Variants in DCAF8L2 observed in about 807,000 individuals in gnomAD.
DCAF8L2 encodes DDB1 and CUL4 associated factor 8 like 2.
For synonymous variants in DCAF8L2, 200 were observed against 190.9 expected, an observed-to-expected ratio of 1.05 and a Z score of -0.39; for missense variants, 430 against 490.7, an observed-to-expected ratio of 0.88 and a Z score of 1.17.
chrX:27,495,970 T>G, the DCAF8L2 span, among the ~76,000 whole-genome samples: 5 of 111,684 alleles, frequency 4.5e-5, no homozygotes, highest in African/African-American at 1.6e-4. Flanking sequence ...ATAGCTTTTC[T>G]GAAAATGATG....
chrX:27,667,549 G>A (rs760153192), intron 2 of DCAF8L2, among the ~76,000 whole-genome samples: 8 of 111,574 alleles, frequency 7.2e-5, no homozygotes, highest in African/African-American at 2.6e-4. Context: ...ATGTAACTGT[G>A]AGAGAACAAA....
At chrX:27,537,053 G>A in the DCAF8L2 span, among the ~76,000 whole-genome samples, 15 of 111,771 alleles carry the variant, frequency 1.3e-4, no homozygotes. Flanking sequence ...GGCAGGTAGA[G>A]GTGTTCTGTA....
At chrX:27,692,154 C>T (rs1870847350) in intron 3 of DCAF8L2, among the ~76,000 whole-genome samples, 1 of 111,858 alleles carries the variant, frequency 8.9e-6, no homozygotes, top group Admixed American at 9.5e-5. Context: ...ACATAGCTCT[C>T]CTTTTCACTT....
intron 2 of DCAF8L2, among the ~76,000 whole-genome samples, chrX:27,638,634 A>G (rs1397937569): frequency 2.7e-5 from 3 of 111,883 alleles, no homozygotes; most frequent in Non-Finnish European, 3.8e-5. Flanking sequence ...AAAGGTATAA[A>G]CAATGTATTG....
chrX:27,607,184 T>C (rs1926946580), intron 1 of DCAF8L2, among the ~76,000 whole-genome samples: 1 of 111,904 alleles, frequency 8.9e-6, no homozygotes, highest in Non-Finnish European at 1.9e-5. Flanking sequence ...AAATACTATT[T>C]TGCTTACTAT....
the DCAF8L2 span, among the ~76,000 whole-genome samples, chrX:27,490,698 A>G: frequency 0.27 from 30,120 of 109,828 alleles, 4,575 homozygotes; most frequent in African/African-American, 0.58. Flanking sequence ...CTGACCTTAT[A>G]ATCCGCCCAC....
At chrX:27,575,849 G>A in the DCAF8L2 span, among the ~76,000 whole-genome samples, 1 of 111,979 alleles carries the variant, frequency 8.9e-6, no homozygotes, top group Non-Finnish European at 1.9e-5. Flanking sequence ...GGTTGGTGGT[G>A]GTGAGTGGGA....
intron 2 of DCAF8L2, among the ~76,000 whole-genome samples, chrX:27,657,969 C>A (rs935109695): frequency 1.8e-5 from 2 of 112,277 alleles, no homozygotes; most frequent in African/African-American, 6.5e-5. Flanking sequence ...GTTAATTGTT[C>A]CAGTGGCAGT....
chrX:27,712,511 T>A (rs1931563347), intron 3 of DCAF8L2: 1 of 111,870 alleles, frequency 8.9e-6, no homozygotes, highest in Admixed American at 9.5e-5. Flanking sequence ...GAAGTGAGTT[T>A]AAACACAAAA....
intron 1 of DCAF8L2, among the ~76,000 whole-genome samples, chrX:27,590,822 A>G (rs1283891368): frequency 1.9e-5 from 2 of 107,596 alleles, no homozygotes; most frequent in African/African-American, 6.7e-5. Context: ...TCATATTTTT[A>G]AAATTGAAAT....
chrX:27,510,242 C>T, the DCAF8L2 span, among the ~76,000 whole-genome samples: 1 of 110,349 alleles, frequency 9.1e-6, no homozygotes, highest in African/African-American at 3.3e-5. Flanking sequence ...CTAAAGCCTC[C>T]CTGTCATGCT....
chrX:27,619,035 C>A (rs1927620758), intron 1 of DCAF8L2, among the ~76,000 whole-genome samples: 1 of 109,429 alleles, frequency 9.1e-6, no homozygotes, highest in Non-Finnish European at 1.9e-5. Context: ...ATCTATCTAT[C>A]TATCTATCTA....
chrX:27,477,116 C>T, the DCAF8L2 span, among the ~76,000 whole-genome samples: 1 of 111,704 alleles, frequency 9.0e-6, no homozygotes, highest in African/African-American at 3.3e-5. Flanking sequence ...CTTTCTTTTC[C>T]GGAAAGGAAT....
At chrX:27,546,671 T>G in the DCAF8L2 span, among the ~76,000 whole-genome samples, 1 of 112,365 alleles carries the variant, frequency 8.9e-6, no homozygotes, top group African/African-American at 3.2e-5. Context: ...CAACACCATG[T>G]GGAAGCTGCC....
chrX:27,667,814 C>A (rs1485658836), intron 2 of DCAF8L2, among the ~76,000 whole-genome samples: 2 of 112,086 alleles, frequency 1.8e-5, no homozygotes, highest in South Asian at 7.3e-4. Context: ...ATAATCATTA[C>A]CATACTGATT....
chrX:27,566,135 T>C, the DCAF8L2 span, among the ~76,000 whole-genome samples: 1 of 102,376 alleles, frequency 9.8e-6, no homozygotes, highest in Non-Finnish European at 2.0e-5. Flanking sequence ...CCCGACCCTG[T>C]GGAAGTTCTC....
the DCAF8L2 span, among the ~76,000 whole-genome samples, chrX:27,514,707 A>T: frequency 2.0e-5 from 2 of 101,429 alleles, no homozygotes; most frequent in Admixed American, 1.0e-4. Flanking sequence ...AAAAAAAAAA[A>T]ACAGAGTGAA....
chrX:27,618,112 ATGCAAAATGAATT>A (rs1927562872), intron 1 of DCAF8L2, among the ~76,000 whole-genome samples: 1 of 112,041 alleles, frequency 8.9e-6, no homozygotes, highest in South Asian at 3.7e-4. Flanking sequence ...TCAATAAAAT[ATGCAAAATGAATT>A]TGCAAAATAA....
chrX:27,619,924 TAATA>T (rs1375362624), intron 1 of DCAF8L2, among the ~76,000 whole-genome samples: 1 of 111,901 alleles, frequency 8.9e-6, no homozygotes, highest in Non-Finnish European at 1.9e-5. Context: ...ATTAATGTCT[TAATA>T]AATAATCTAA....
Sources: gnomAD v4.1 joint callset for allele counts (sites outside exome capture counted in the v4.1 genomes callset) on GRCh38, gnomAD v4.1.1 for gene constraint, MANE v1.5 for transcripts, NCBI Gene and HGNC (gene_info 2026-07-23, HGNC 2026-07-21) for gene names.